Variants in UBR3 observed in about 807,000 individuals in gnomAD.
UBR3 encodes E3 ubiquitin-protein ligase UBR3.
A neutral mutation model predicts 243.2 loss-of-function variants in UBR3; 85 were observed. That is an observed-to-expected ratio of 0.35 (90% confidence interval 0.29 to 0.42). The LOEUF is 0.42. UBR3 is among the 10% of genes least tolerant of loss of function. The probability of loss-of-function intolerance (pLI) is 1.00; values close to 1 mark genes in which losing one functional copy is unlikely to be tolerated. For synonymous variants in UBR3, 748 were observed against 799.8 expected (o/e 0.94, Z 1.09); for missense variants, 1,686 against 2,300.8 (o/e 0.73, Z 5.47).
intron 1 of UBR3, among the ~76,000 whole-genome samples, chr2:169,846,449 C>T (rs536857892): frequency 7.5e-4 from 114 of 152,194 alleles, no homozygotes; most frequent in Non-Finnish European, 1.1e-3. Context: ...CGCTGGCTCA[C>T]GCCTGTAATC....
At chr2:170,019,899 C>T (rs574486472) in intron 30 of UBR3, among the ~76,000 whole-genome samples, 3 of 152,134 alleles carry the variant, frequency 2.0e-5, no homozygotes, top group Non-Finnish European at 4.4e-5. Flanking sequence ...CCTCAGCCTC[C>T]CGAGTAGCTA....
chr2:169,891,010 AC>A (rs2084353974), intron 5 of UBR3, among the ~76,000 whole-genome samples, 154 bp from the exon 6 acceptor site: 1 of 140,994 alleles, frequency 7.1e-6, no homozygotes, highest in Non-Finnish European at 1.7e-5. Context: ...ATCAAAATTA[AC>A]ACTAAAATAT....
intron 23 of UBR3, among the ~76,000 whole-genome samples, chr2:169,954,223 G>GTCTTGTCTTGTCTTGTCTTGTCTTC (rs1311219124): frequency 8.0e-4 from 100 of 124,636 alleles, no homozygotes; most frequent in Admixed American, 1.9e-3. Context: ...GTCTTGTCTT[G>GTCTTGTCTTGTCTTGTCTTGTCTTC]TCTTCTCTTC....
intron 33 of UBR3, among the ~76,000 whole-genome samples, chr2:170,058,405 C>CT (rs1304640861): frequency 6.6e-6 from 1 of 152,036 alleles, no homozygotes; most frequent in Non-Finnish European, 1.5e-5. Context: ...GTAACTCATA[C>CT]TTTTTTGGTC....
rs375059726 is a variant in UBR3, at chr2:169,905,155, G to A, written c.1507G>A (p.Ala503Thr). Residue 503 changes from alanine to threonine, a missense_variant, in exon 9 of 39, where the codon GCA becomes ACA. Coordinates refer to ENST00000272793, the MANE Select transcript of UBR3 (RefSeq NM_172070.4). ...ACATGTGGTAGTGAACTGTGGAGAA[G>A]CATTACTGAAGAATAACACTTACTG... Reference protein sequence around the residue: ...SLHVVVNCGEALLKNNTYWPL... With the variant: ...SLHVVVNCGETLLKNNTYWPL... 56 of 1,539,572 alleles carry A rather than the reference G, an allele frequency of 3.6e-5. No individual in the cohort carries two copies. The South Asian group carries it at 6.3e-4, about 17-fold the overall frequency.
intron 5 of UBR3, among the ~76,000 whole-genome samples, chr2:169,890,569 A>ATATATATATGTATATATATG (rs1415148340): frequency 9.8e-6 from 1 of 101,574 alleles, no homozygotes; most frequent in African/African-American, 4.1e-5. Flanking sequence ...ATATATGTGT[A>ATATATATATGTATATATATG]TATATATATA....
chr2:169,843,525 C>T (rs2082367163), intron 1 of UBR3, among the ~76,000 whole-genome samples: 1 of 152,218 alleles, frequency 6.6e-6, no homozygotes, highest in African/African-American at 2.4e-5. Flanking sequence ...AGTGGGGATT[C>T]AGTTACAAAC....
intron 19 of UBR3, among the ~76,000 whole-genome samples, chr2:169,934,271 A>G (rs962915705): frequency 3.9e-5 from 6 of 152,204 alleles, no homozygotes; most frequent in African/African-American, 1.4e-4. Flanking sequence ...CCAGTCTTAA[A>G]TGGCTCTGCC....
intron 30 of UBR3, among the ~76,000 whole-genome samples, chr2:170,026,848 A>G (rs1181146156): frequency 6.6e-6 from 1 of 152,116 alleles, no homozygotes; most frequent in Admixed American, 6.6e-5. Context: ...GATTATGATT[A>G]TAGATTCTCT....
chr2:170,017,000 G>T (rs1041617195), intron 30 of UBR3: 12 of 243,924 alleles, frequency 4.9e-5, no homozygotes, highest in Admixed American at 3.8e-4. Flanking sequence ...AAAGCAGCCT[G>T]TAAGTCATAT....
chr2:169,979,103 G>C (rs1018062545), intron 24 of UBR3, among the ~76,000 whole-genome samples: 5 of 152,170 alleles, frequency 3.3e-5, no homozygotes, highest in Non-Finnish European at 5.9e-5. Context: ...CAGAAGATCT[G>C]AACAGACACC....
At chr2:169,895,918 C>T (rs1381179898) in intron 7 of UBR3, among the ~76,000 whole-genome samples, 1 of 151,580 alleles carries the variant, frequency 6.6e-6, no homozygotes, top group African/African-American at 2.4e-5. Flanking sequence ...AGGAGAGACA[C>T]TTTGATAGTG....
Position 170,040,951 on chromosome 2 carries a change from C to G in UBR3, c.4626C>G (p.Ile1542Met), listed in dbSNP as rs758775971. Residue 1542 changes from isoleucine (I) to methionine (M), a missense_variant, in exon 32 of 39, where the codon ATC becomes ATG. By Grantham distance (10) the Ile-to-Met change is conservative. Transcript: ENST00000272793. ...ATGATGTAACATCCCTTTTGCTCAT[C>G]CAGATCTTAATGATGCCACAACCCT... Reference protein sequence around the residue: ...LYHDVTSLLLIQILMMPQPLR... With the variant: ...LYHDVTSLLLMQILMMPQPLR... 11 of 1,613,286 alleles carry G rather than the reference C, an allele frequency of 6.8e-6. No homozygotes were observed. The African/African-American group carries it at 1.5e-4, about 22-fold the overall frequency.
rs991995105 is a variant in UBR3 at position 169,846,823 on chromosome 2, C to T, written c.545+18771C>T. Among the ~76,000 whole-genome samples the T allele has an allele frequency of 1.2e-4, 19 of 152,228 alleles. No homozygotes were observed. The South Asian group carries it at 1.5e-3, about 12-fold the overall frequency. On this transcript the variant is annotated intron_variant, in intron 1 of 38. Transcript: ENST00000272793. ...TCATGGCTCACTGCAGTCTTGACTT[C>T]GTGGGCTCAGGTGATTCTCCCACTT... is the stretch of plus-strand genomic sequence containing the variant.
intron 36 of UBR3, among the ~76,000 whole-genome samples, chr2:170,074,283 A>C (rs1045294910): frequency 2.6e-5 from 4 of 152,208 alleles, no homozygotes; most frequent in African/African-American, 9.7e-5. Context: ...AAAGTAACTA[A>C]TGTAAGAGAC....
At chr2:169,843,132 T>A (rs1290699279) in intron 1 of UBR3, among the ~76,000 whole-genome samples, 1 of 152,224 alleles carries the variant, frequency 6.6e-6, no homozygotes, top group African/African-American at 2.4e-5. Context: ...TTCCACATTT[T>A]CAGGTATTTA....
At chr2:169,838,678 A>C (rs2082194571) in intron 1 of UBR3, among the ~76,000 whole-genome samples, 3 of 152,270 alleles carry the variant, frequency 2.0e-5, no homozygotes, top group African/African-American at 7.2e-5. Context: ...GCCCCCAAAA[A>C]GTTTATGTCC....
intron 29 of UBR3, among the ~76,000 whole-genome samples, chr2:170,011,007 A>T (rs984935475): frequency 6.6e-6 from 1 of 151,462 alleles, no homozygotes; most frequent in Non-Finnish European, 1.5e-5. Context: ...TATGAAAAAT[A>T]AAAAAAAATT....
chr2:169,966,877 G>A (rs1352873892), intron 24 of UBR3, among the ~76,000 whole-genome samples: 2 of 152,044 alleles, frequency 1.3e-5, no homozygotes, highest in East Asian at 3.8e-4. Context: ...GGACTGTGTA[G>A]GGTTTTTTTT....
Sources: gnomAD v4.1 joint callset for allele counts (sites outside exome capture counted in the v4.1 genomes callset) on GRCh38, gnomAD v4.1.1 for gene constraint, MANE v1.5 for transcripts, NCBI Gene and HGNC (gene_info 2026-07-23, HGNC 2026-07-21) for gene names.